COL17A1: variants seen among roughly 807,000 people sequenced by gnomAD.
COL17A1 encodes the protein collagen type XVII alpha 1 chain.
In COL17A1, 181 loss-of-function variants were observed where a neutral mutation model predicts 218.4. That is an observed-to-expected ratio of 0.83 (90% CI 0.73 to 0.94). The LOEUF (loss-of-function observed/expected upper bound fraction) is 0.94, where lower values mean the gene tolerates loss of function less well. Among genes scored for constraint, COL17A1 ranks in the 40% least tolerant of loss-of-function variants. The probability of loss-of-function intolerance (pLI) is 0.00; values close to 1 mark genes in which losing one functional copy is unlikely to be tolerated. For missense variants in COL17A1, 1,924 were observed against 1,945.9 expected (o/e 0.99, Z 0.21); for synonymous variants, 721 against 731.0 (o/e 0.99, Z 0.22).
chr10:104,073,924 C>G, intron 6 of COL17A1: 1 of 468,634 alleles, frequency 2.1e-6, no homozygotes, highest in Non-Finnish European at 3.9e-6. Flanking sequence ...CTTATCCATC[C>G]AAGCCTGAGC....
intron 22 of COL17A1, among the ~76,000 whole-genome samples, chr10:104,053,515 C>T (rs921072289): frequency 3.9e-5 from 6 of 152,008 alleles, no homozygotes; most frequent in African/African-American, 1.4e-4. Flanking sequence ...GAGCCTTGGC[C>T]TTGGCTGCTC....
At chr10:104,032,457 T>C (rs1380512847) in intron 55 of COL17A1, among the ~76,000 whole-genome samples, 167 bp from the exon 56 acceptor site, 2 of 152,234 alleles carry the variant, frequency 1.3e-5, no homozygotes, top group African/African-American at 4.8e-5. Flanking sequence ...AACACCAGCT[T>C]GGTTCTCCTT....
Position 104,061,378 on chromosome 10 carries a change from A to T in COL17A1, c.979+27T>A, listed in dbSNP as rs805704. Reference sequence around the variant, plus strand: ...TAATCCTCCCTGTGCACCAGCCTGAACCCTGGCAGCTGGGAGCAGCACTCA... The same window carrying T: ...TAATCCTCCCTGTGCACCAGCCTGATCCCTGGCAGCTGGGAGCAGCACTCA... On this transcript the variant is annotated intron_variant, in intron 13 of 55. Transcript: ENST00000648076. 0.97 allele frequency: 1,555,520 copies of T among 1,609,712 alleles called. 757,134 individuals carry two copies. The highest frequency in any genetic ancestry group is 1 in the Non-Finnish European group (1,173,456 of 1,177,946).
chr10:104,043,409 G>T, intron 35 of COL17A1, 92 bp downstream of exon 35: 1 of 1,189,596 alleles, frequency 8.4e-7, no homozygotes, highest in Non-Finnish European at 1.2e-6. Context: ...TTCAGTTCCT[G>T]CCCTGGGTTT....
rs114632869 is a variant in COL17A1 at position 104,057,299 on chromosome 10, G to C, written c.1268-127C>G. Reference sequence around the variant, plus strand: ...CTGGGGGCTTTCAAGTTCCTGTGCTGTTCCACCCAGGACAGGGCTGGCTCC... The same window carrying C: ...CTGGGGGCTTTCAAGTTCCTGTGCTCTTCCACCCAGGACAGGGCTGGCTCC... On this transcript the variant is annotated intron_variant, in intron 16 of 55. Coordinates refer to ENST00000648076, the MANE Select transcript of COL17A1 (RefSeq NM_000494.4). The C allele has an allele frequency of 2.0e-3, 2,904 of 1,464,972 alleles. 41 individuals carry two copies. In the African/African-American group the frequency reaches 0.034, roughly 17 times the overall value. The allele number at this position is 1,464,972 out of a possible 1,614,324, so 90.7% of individuals were successfully genotyped here.
In COL17A1 at chr10:104,062,259, T is replaced by C. The variant is rs1238361698; in HGVS notation, c.909A>G (p.Thr303=). The change falls in exon 12 of 56, where the codon ACA becomes ACG. Residue 303 remains threonine, a splice_region_variant and synonymous_variant. Coordinates refer to ENST00000648076, the MANE Select transcript of COL17A1 (RefSeq NM_000494.4). ...TLSHGTTTTS[T]AYGVKKNMPQ... ...AAGCTCCAACCCTAGCCTACTGACC[T>C]GTGGAAGTGGTGGTGGTGCCATGGG... 1 of 1,614,236 alleles carries C rather than the reference T, an allele frequency of 6.2e-7. No individual in the cohort carries two copies. The highest frequency in any genetic ancestry group is 1.7e-5 in the Admixed American group (1 of 60,026).
In COL17A1 at chr10:104,061,536, A is replaced by G. The variant is rs805705; in HGVS notation, c.911-63T>C. The G allele has an allele frequency of 0.97, 1,437,279 of 1,488,610 alleles. 699,127 individuals carry two copies. Among genetic ancestry groups the G allele is most frequent in the Non-Finnish European group, 1 (1,076,914 of 1,081,024 alleles). The allele number at this position is 1,488,610 out of a possible 1,614,324, so 92.2% of individuals were successfully genotyped here. ...TTCCAGGTGACTCAGGAGAAGCCTG[A>G]TCAGCCCTGGCAGAGAGGTACCCCC... On this transcript the variant is annotated intron_variant, in intron 12 of 55. Transcript: ENST00000648076.
intron 11 of COL17A1, among the ~76,000 whole-genome samples, chr10:104,062,947 C>A (rs1010384364): frequency 1.3e-5 from 2 of 152,222 alleles, no homozygotes; most frequent in Non-Finnish European, 2.9e-5. Context: ...TATCAGCCCA[C>A]CTTCCCTTGG....
At chr10:104,077,049 C>T (rs984617573) in intron 4 of COL17A1, among the ~76,000 whole-genome samples, 1 of 152,084 alleles carries the variant, frequency 6.6e-6, no homozygotes, top group Non-Finnish European at 1.5e-5. Context: ...AACCCTCAGG[C>T]GTGCACATTG....
chr10:104,047,750 G>C lies in COL17A1; in HGVS notation c.2324C>G (p.Pro775Arg). ...IRGPPGPSGD[P>R]GKPGLTGPQG... is the part of the protein sequence containing the mutation. ...TCCTGCTCTGTTACCTGGCTTTCCT[G>C]GGTCTCCAGAAGGTCCTGGTGGGCC... The change falls in exon 31 of 56, where the codon CCA becomes CGA. Residue 775 changes from proline to arginine, a missense_variant. Transcript: ENST00000648076. 6.2e-7 allele frequency: 1 copy of C among 1,614,016 alleles called. No individual in the cohort carries two copies. The highest frequency in any genetic ancestry group is 1.1e-5 in the South Asian group (1 of 91,072).
chr10:104,085,076 T>A (rs1289271256), intron 1 of COL17A1, among the ~76,000 whole-genome samples: 1 of 152,226 alleles, frequency 6.6e-6, no homozygotes, highest in Non-Finnish European at 1.5e-5. Flanking sequence ...TAAGAGTATA[T>A]ATACGGGAAA....
At chr10:104,046,643 G>C in intron 32 of COL17A1, 104 bp downstream of exon 32, 1 of 1,097,660 alleles carries the variant, frequency 9.1e-7, no homozygotes, top group South Asian at 1.3e-5. Context: ...CCAGGGAGTT[G>C]GTGGAGGAGA....
Position 104,034,648 on chromosome 10 carries a change from G to A in COL17A1, c.3739C>T (p.Arg1247Trp), listed in dbSNP as rs144220426. The A allele has an allele frequency of 4.3e-4, 689 of 1,610,074 alleles. 1 individual carries two copies. The highest frequency in any genetic ancestry group is 5.0e-4 in the Non-Finnish European group (585 of 1,178,530). Reference sequence around the variant, plus strand: ...GTGAGGTAGCTGATCAGCTCGCTCCGGAAGCTGTCGCTGTTTTCAGCTGCA... The same window carrying A: ...GTGAGGTAGCTGATCAGCTCGCTCCAGAAGCTGTCGCTGTTTTCAGCTGCA... ...TYAAENSDSF[R>W]SELISYLTSP... Residue 1247 changes from arginine (R) to tryptophan (W), a missense_variant, in exon 51 of 56, where the codon CGG becomes TGG. Arg to Trp is a moderately radical substitution (Grantham distance 101). Coordinates refer to ENST00000648076, the MANE Select transcript of COL17A1 (RefSeq NM_000494.4).
chr10:104,046,750 G>C lies in COL17A1; in HGVS notation c.2359C>G (p.Gln787Glu). ...KPGLTGPQGP[Q>E]GLPGTPGRPG... The stretch of plus-strand genomic sequence containing the variant: ...TGGGAATGATCCAGCGACTCACCCT[G>C]AGGTCCCTGGGGTCCTGTGAGACCT... Residue 787 changes from glutamine to glutamate, a missense_variant, in exon 32 of 56, where the codon CAG (glutamine) becomes GAG (glutamate). Gln to Glu is a conservative substitution (Grantham distance 29). Coordinates refer to ENST00000648076, the MANE Select transcript of COL17A1 (RefSeq NM_000494.4). 1 of 1,613,974 alleles carries C rather than the reference G, an allele frequency of 6.2e-7. No homozygotes were observed. The highest frequency in any genetic ancestry group is 1.6e-4 in the Middle Eastern group (1 of 6,062).
In COL17A1 at chr10:104,045,802, AT is replaced by A; in HGVS notation, c.2363-10del. On this transcript the variant is annotated splice_polypyrimidine_tract_variant and intron_variant, in intron 32 of 55. Coordinates refer to ENST00000648076, the MANE Select transcript of COL17A1 (RefSeq NM_000494.4). ...AGGGGTACCGGGAAGTCCTGATGTG[AT>A]TAGAACAAGTAGTCAGGACGATGAA... 6.2e-7 allele frequency: 1 copy of A among 1,611,032 alleles called. No individual in the cohort carries two copies. Among genetic ancestry groups the A allele is most frequent in the Non-Finnish European group, 8.5e-7 (1 of 1,177,114 alleles).
At chr10:104,033,079 T>TAAGA in intron 53 of COL17A1, 111 bp from the exon 54 acceptor site, 1 of 1,518,162 alleles carries the variant, frequency 6.6e-7, no homozygotes, top group South Asian at 1.2e-5. Context: ...TTTGGACGTG[T>TAAGA]AAGAGGAAAC....
At chr10:104,072,418 G>C (rs1886273) in intron 7 of COL17A1, among the ~76,000 whole-genome samples, 136,924 of 152,262 alleles carry the variant, frequency 0.9, 62,204 homozygotes, top group Non-Finnish European at 0.97. Context: ...TCTCTCCTGC[G>C]TCCATGGTCT....
At position 104,051,482 on chromosome 10, in the gene COL17A1, T is replaced by C. The variant is rs776114638; in HGVS notation, c.2037A>G (p.Pro679=). ...SSGSPGPQGP[P]GPVGLQGLRG... ...ATTTACAAGAAGCAGCAAACTGACC[T>C]GGAGGGCCCTGTGGGCCAGGAGAGC... is the stretch of plus-strand genomic sequence containing the variant. The change falls in exon 25 of 56, where the codon CCA becomes CCG. Residue 679 remains proline (P), a splice_region_variant and synonymous_variant. Coordinates refer to ENST00000648076, the MANE Select transcript of COL17A1 (RefSeq NM_000494.4). The C allele has an allele frequency of 1.4e-5, 22 of 1,614,044 alleles. No homozygotes were observed. Among genetic ancestry groups the C allele is most frequent in the Non-Finnish European group, 1.9e-5 (22 of 1,180,032 alleles).
chr10:104,041,808 G>A (rs138191505), intron 36 of COL17A1, among the ~76,000 whole-genome samples: 10 of 152,362 alleles, frequency 6.6e-5, no homozygotes, highest in Admixed American at 2.0e-4. Flanking sequence ...TTCGGTGTCA[G>A]AAAGTCTGAG....
Sources: gnomAD v4.1 joint callset for allele counts (sites outside exome capture counted in the v4.1 genomes callset) on GRCh38, gnomAD v4.1.1 for gene constraint, MANE v1.5 for transcripts, NCBI Gene and HGNC (gene_info 2026-07-23, HGNC 2026-07-21) for gene names.